The following AP3D1 variants were observed in gnomAD, a reference collection of about 807,000 sequenced individuals.
AP3D1 encodes adaptor related protein complex 3 subunit delta 1.
A neutral mutation model predicts 147.6 loss-of-function variants in AP3D1; 51 were observed. That is an observed-to-expected ratio of 0.35 (90% CI 0.28 to 0.44). The LOEUF is 0.44. AP3D1 is among the 20% of genes least tolerant of loss of function. The pLI, the probability that AP3D1 is intolerant of heterozygous loss-of-function variation, is 1.00. For missense variants in AP3D1, 1,421 were observed against 1,624.2 expected, an observed-to-expected ratio of 0.87 and a Z score of 2.15; for synonymous variants, 760 against 663.0, an observed-to-expected ratio of 1.15 and a Z score of -2.25.
At chr19:2,135,582 C>T (rs1176502819) in intron 4 of AP3D1, among the ~76,000 whole-genome samples, 2 of 152,194 alleles carry the variant, frequency 1.3e-5, no homozygotes, top group Non-Finnish European at 2.9e-5. Context: ...GGACTGCAAA[C>T]ATCGGAAGCA....
chr19:2,121,914 G>A (rs774649458), intron 11 of AP3D1, 35 bp from the exon 12 acceptor site: 31 of 1,580,442 alleles, frequency 2.0e-5, no homozygotes, highest in East Asian at 2.3e-5. Flanking sequence ...TCACTGGGAC[G>A]GACACAGGCA....
chr19:2,109,315 G>C, intron 29 of AP3D1, 108 bp from the exon 30 acceptor site: 2 of 1,423,944 alleles, frequency 1.4e-6, no homozygotes, highest in South Asian at 2.9e-5. Context: ...ACACCCTCCT[G>C]TGTGTCTGGG....
intron 4 of AP3D1, among the ~76,000 whole-genome samples, chr19:2,134,869 G>T (rs566619060): frequency 4.0e-5 from 6 of 151,738 alleles, no homozygotes; most frequent in Non-Finnish European, 7.4e-5. Flanking sequence ...CCAAAATGCT[G>T]GGATTACAGG....
rs761142476 is a variant in AP3D1 at position 2,109,828 on chromosome 19, G to A, written c.3350+45C>T. ...ACAGGTGTCTGCAAGGTAGAGGGGA[G>A]GCGGAGGGGGTTCGGGGACATAGGG... On this transcript the variant is annotated intron_variant, in intron 29 of 31. Coordinates refer to ENST00000643116, the MANE Select transcript of AP3D1 (RefSeq NM_001261826.3). The A allele has an allele frequency of 7.6e-6, 12 of 1,575,660 alleles. No individual in the cohort carries two copies. In the South Asian group the frequency reaches 1.2e-4, roughly 16 times the overall value.
Position 2,137,733 on chromosome 19 carries a change from G to C in AP3D1, c.267C>G (p.Thr89=). ...TGCCGTCCCAGAACCTCACCTTGAA[G>C]GTGAACTTGGAGGCACTCATCACTT... ...IIEVMSASKF[T]FKRIGYLAAS... is the part of the protein sequence containing the mutation. The change falls in exon 3 of 32, where the codon ACC becomes ACG. Residue 89 remains threonine (T), a synonymous_variant. Transcript: ENST00000643116. 1 of 1,613,934 alleles carries C rather than the reference G, an allele frequency of 6.2e-7. No individual in the cohort carries two copies. Among genetic ancestry groups the C allele is most frequent in the Non-Finnish European group, 8.5e-7 (1 of 1,179,892 alleles).
intron 14 of AP3D1, among the ~76,000 whole-genome samples, chr19:2,119,545 A>C (rs2018551796): frequency 6.6e-6 from 1 of 152,034 alleles, no homozygotes; most frequent in African/African-American, 2.4e-5. Context: ...ATGCAAAAAA[A>C]ATTAGCAGGG....
At chr19:2,136,614 C>T (rs576604336) in intron 4 of AP3D1, among the ~76,000 whole-genome samples, 22 of 152,288 alleles carry the variant, frequency 1.4e-4, no homozygotes, top group South Asian at 6.2e-4. Flanking sequence ...CAAAAAAAGC[C>T]GCGGGCAGGA....
intron 20 of AP3D1, 146 bp from the exon 21 acceptor site, chr19:2,114,967 G>C (rs933873049): frequency 2.1e-6 from 2 of 945,570 alleles, no homozygotes; most frequent in Admixed American, 2.2e-5. Flanking sequence ...TCCGCTCAGC[G>C]TCTAGGCACT....
At chr19:2,132,695 T>C in intron 4 of AP3D1, 117 bp from the exon 5 acceptor site, 2 of 787,672 alleles carry the variant, frequency 2.5e-6, no homozygotes, top group South Asian at 3.2e-5. Flanking sequence ...ACTCGGCATA[T>C]CCTCTTGGGG....
chr19:2,134,013 CAGG>C (rs2019015184), intron 4 of AP3D1, among the ~76,000 whole-genome samples: 1 of 151,860 alleles, frequency 6.6e-6, no homozygotes, highest in Non-Finnish European at 1.5e-5. Flanking sequence ...GAGGCTGAGG[CAGG>C]AGAATTGCTT....
Position 2,110,183 on chromosome 19 carries a change from T to C in AP3D1, c.3217A>G (p.Ile1073Val), listed in dbSNP as rs1279373937. 1.2e-6 allele frequency: 2 copies of C among 1,612,796 alleles called. No homozygotes were observed. Among genetic ancestry groups the C allele is most frequent in the Non-Finnish European group, 1.7e-6 (2 of 1,179,956 alleles). The change falls in exon 28 of 32, where the codon ATC becomes GTC. Residue 1073 changes from isoleucine to valine, a missense_variant. Physicochemically the swap from Ile to Val is conservative, Grantham distance 29. Around this residue, in one of 6 missense-constraint regions of AP3D1, gnomAD observed 791 missense variants for 761.4 expected, o/e 1.04. Coordinates refer to ENST00000643116, the MANE Select transcript of AP3D1 (RefSeq NM_001261826.3). ...EAQYVFTIQS[I>V]VMAQKLKGTL... Reference sequence around the variant, plus strand: ...CCCTTGAGCTTCTGCGCCATGACGATGCTCTGGATGGTGAACACATACTGG... The same window carrying C: ...CCCTTGAGCTTCTGCGCCATGACGACGCTCTGGATGGTGAACACATACTGG...
intron 1 of AP3D1, among the ~76,000 whole-genome samples, chr19:2,148,164 GA>G (rs2019411407): frequency 7.0e-6 from 1 of 142,564 alleles, no homozygotes; most frequent in Non-Finnish European, 1.5e-5. Context: ...AAAAAAAAAA[GA>G]AAAAGAAAAA....
rs2018344582 is a variant in AP3D1, at chr19:2,113,379, G to A, written c.2636C>T (p.Pro879Leu). The A allele has an allele frequency of 6.8e-7, 1 of 1,471,350 alleles. No individual in the cohort carries two copies. Among genetic ancestry groups the A allele is most frequent in the South Asian group, 1.4e-5 (1 of 69,924 alleles). The allele number at this position is 1,471,350 out of a possible 1,614,324, so 91.1% of individuals were successfully genotyped here. The change falls in exon 23 of 32, where the codon CCA (proline) becomes CTA (leucine). Residue 879 changes from proline to leucine, a missense_variant. Physicochemically the swap from Pro to Leu is moderately conservative, Grantham distance 98. This residue lies in a region of AP3D1 where 791 missense variants were observed against 761.4 expected (regional missense o/e 1.04). Transcript: ENST00000643116. ...EDLDFWLSTT[P>L]PPAPAPAPAP... ...GGGGGCGGGGGCGGGGGCAGGCGGT[G>A]GGGTGGTAGACAGCCAGAAGTCCAG...
chr19:2,125,845 A>AC (rs1248990980), intron 9 of AP3D1, among the ~76,000 whole-genome samples: 2 of 151,656 alleles, frequency 1.3e-5, no homozygotes, highest in African/African-American at 4.8e-5. Flanking sequence ...GAAAAAAAAA[A>AC]ACAAAAGAGA....
At chr19:2,132,385 A>G in intron 5 of AP3D1, 86 bp downstream of exon 5, 2 of 1,287,798 alleles carry the variant, frequency 1.6e-6, no homozygotes, top group Admixed American at 1.9e-5. Context: ...CGGTTTCCGC[A>G]TAGCCAAGCT....
intron 17 of AP3D1, 93 bp downstream of exon 17, chr19:2,116,512 G>A: frequency 6.9e-7 from 1 of 1,442,568 alleles, no homozygotes; most frequent in Admixed American, 2.6e-5. Flanking sequence ...CAGGGTCAGG[G>A]CCAGGACCCA....
intron 6 of AP3D1, 40 bp downstream of exon 6, chr19:2,130,368 C>T (rs1267894980): frequency 6.2e-7 from 1 of 1,612,640 alleles, no homozygotes; most frequent in Non-Finnish European, 8.5e-7. Context: ...CCGGCTGAGC[C>T]CCCACCCTCA....
chr19:2,158,230 G>A (rs903489712), intron 1 of AP3D1, among the ~76,000 whole-genome samples: 5 of 151,876 alleles, frequency 3.3e-5, no homozygotes, highest in East Asian at 3.9e-4. Context: ...TAATTTTTTC[G>A]TATTTTTAGT....
intron 6 of AP3D1, among the ~76,000 whole-genome samples, chr19:2,130,142 G>A (rs540800286): frequency 1.0e-3 from 151 of 150,930 alleles, no homozygotes; most frequent in African/African-American, 3.6e-3. Flanking sequence ...GGTCCTAAGA[G>A]GGGCTGGCGG....
Sources: allele counts gnomAD v4.1 joint callset (sites outside exome capture counted in the v4.1 genomes callset), GRCh38; gene constraint gnomAD v4.1.1; regional missense constraint gnomAD v4.1.1; transcripts MANE v1.5; gene names NCBI Gene and HGNC (gene_info 2026-07-23, HGNC 2026-07-21).